The following SGCE variants were observed in gnomAD, a reference collection of about 807,000 sequenced individuals.
SGCE encodes sarcoglycan epsilon.
A neutral mutation model predicts 57.8 loss-of-function variants in SGCE; 26 were observed. The observed-to-expected ratio is 0.45, with a 90% confidence interval of 0.33 to 0.62. The LOEUF (loss-of-function observed/expected upper bound fraction) is 0.62. Among genes scored for constraint, SGCE ranks in the 20% least tolerant of loss-of-function variants. SGCE has a pLI of 0.02. For missense variants in SGCE, 468 were observed against 548.6 expected, an observed-to-expected ratio of 0.85 and a Z score of 1.47; for synonymous variants, 183 against 189.5, an observed-to-expected ratio of 0.97 and a Z score of 0.28.
Position 94,628,104 on chromosome 7 carries a change from C to A in SGCE, c.390+98G>T. Reference sequence around the variant, plus strand: ...AATATTAAAAACCACCATCAGGTAACTTTAGTTTCAACACTTAAAACTCAA... The same window carrying A: ...AATATTAAAAACCACCATCAGGTAAATTTAGTTTCAACACTTAAAACTCAA... On this transcript the variant is annotated intron_variant, in intron 3 of 10. Transcript: ENST00000648936. 3 of 901,442 alleles carry A rather than the reference C, an allele frequency of 3.3e-6. No individual in the cohort carries two copies. In the South Asian group the frequency reaches 4.3e-5, roughly 13 times the overall value. The allele number at this position is 901,442 out of a possible 1,614,324, so 55.8% of individuals were successfully genotyped here.
At chr7:94,604,022 T>C (rs1261002055) in intron 5 of SGCE, among the ~76,000 whole-genome samples, 1 of 152,148 alleles carries the variant, frequency 6.6e-6, no homozygotes. Context: ...GGCCTTGCAA[T>C]CTTTTATCTA....
At chr7:94,628,414 T>C (rs1804112391) in intron 2 of SGCE, 55 bp from the exon 3 acceptor site, 1 of 1,443,852 alleles carries the variant, frequency 6.9e-7, no homozygotes, top group Non-Finnish European at 9.7e-7. Context: ...CACATGTTGC[T>C]TTGGTAGTTT....
intron 1 of SGCE, among the ~76,000 whole-genome samples, chr7:94,632,921 C>CG (rs1198176229): frequency 1.3e-5 from 2 of 152,080 alleles, no homozygotes; most frequent in Non-Finnish European, 2.9e-5. Context: ...ACAGTTAACA[C>CG]ATGTTGCAGT....
At chr7:94,608,714 A>T (rs191666620) in intron 5 of SGCE, among the ~76,000 whole-genome samples, 1 of 152,346 alleles carries the variant, frequency 6.6e-6, no homozygotes, top group East Asian at 1.9e-4. Context: ...AGTATTGGGA[A>T]ATAATTGACA....
intron 5 of SGCE, 111 bp downstream of exon 5, chr7:94,618,645 ATT>A: frequency 1.2e-6 from 1 of 834,458 alleles, no homozygotes; most frequent in South Asian, 1.6e-5. Flanking sequence ...TACAATATCT[ATT>A]TCTTATTAAA....
intron 5 of SGCE, among the ~76,000 whole-genome samples, chr7:94,614,934 G>GT (rs891954258): frequency 6.6e-6 from 1 of 152,004 alleles, no homozygotes; most frequent in Non-Finnish European, 1.5e-5. Context: ...GACTTCATTT[G>GT]TTTTTTTGTT....
intron 1 of SGCE, chr7:94,644,466 C>G (rs1196552551): frequency 3.0e-6 from 1 of 328,278 alleles, no homozygotes; most frequent in Non-Finnish European, 5.9e-6. Context: ...AATTGAAGAG[C>G]TGTGAATAGT....
intron 9 of SGCE, among the ~76,000 whole-genome samples, chr7:94,593,193 T>C (rs1797934895): frequency 1.3e-5 from 2 of 152,100 alleles, no homozygotes; most frequent in Non-Finnish European, 2.9e-5. Flanking sequence ...TTAATTCTAC[T>C]TTTATACTTG....
Position 94,620,404 on chromosome 7 carries a change from C to A in SGCE, c.464-1448G>T, listed in dbSNP as rs540445308. On this transcript the variant is annotated intron_variant, in intron 4 of 10. Coordinates refer to ENST00000648936, the MANE Select transcript of SGCE (RefSeq NM_003919.3). ...TTGTTAGATTTCCTTAATGTATAGC[C>A]CATCTGCAATTTAAAATATATTTAT... 7.2e-5 allele frequency: 11 copies of A among 151,946 alleles called. 1 individual carries two copies. Among genetic ancestry groups the A allele is most frequent in the Admixed American group, 3.3e-4 (5 of 15,258 alleles). The allele number at this position is 151,946 out of a possible 1,614,324, so 9.4% of individuals were successfully genotyped here. A position where few individuals can be genotyped will look rare whatever the true frequency, so the allele number is the denominator to read the frequency against.
At chr7:94,652,251 A>C (rs780216951) in intron 1 of SGCE, among the ~76,000 whole-genome samples, 1 of 152,120 alleles carries the variant, frequency 6.6e-6, no homozygotes, top group South Asian at 2.1e-4. Context: ...TTTACACTGG[A>C]GGTAGGAAAT....
intron 1 of SGCE, among the ~76,000 whole-genome samples, chr7:94,634,571 CA>C (rs1805283426): frequency 6.6e-6 from 1 of 152,130 alleles, no homozygotes; most frequent in African/African-American, 2.4e-5. Context: ...TAATCGGCTG[CA>C]GGTTTAGAAA....
At chr7:94,590,870 C>T (rs1035760807) in intron 9 of SGCE, 10 of 152,154 alleles carry the variant, frequency 6.6e-5, no homozygotes, top group Middle Eastern at 3.4e-3. Context: ...CCAAATACAA[C>T]AATCTAAAGT....
At chr7:94,592,673 G>A (rs1165041099) in intron 9 of SGCE, among the ~76,000 whole-genome samples, 4 of 151,980 alleles carry the variant, frequency 2.6e-5, no homozygotes, top group Admixed American at 6.6e-5. Context: ...GTGAGTTGGG[G>A]GGAGTACACA....
intron 10 of SGCE, among the ~76,000 whole-genome samples, chr7:94,586,085 A>AAAC: frequency 6.6e-6 from 1 of 150,680 alleles, no homozygotes; most frequent in Non-Finnish European, 1.5e-5. Flanking sequence ...AAAAAAAAAA[A>AAAC]AACAACAACT....
At chr7:94,642,627 A>C (rs1430928421) in intron 1 of SGCE, among the ~76,000 whole-genome samples, 1 of 152,192 alleles carries the variant, frequency 6.6e-6, no homozygotes, top group African/African-American at 2.4e-5. Context: ...ACAGAACCCA[A>C]AGAAATATAA....
At chr7:94,615,368 AG>A (rs1801739485) in intron 5 of SGCE, among the ~76,000 whole-genome samples, 3 of 1,664 alleles carry the variant, frequency 1.8e-3, no homozygotes, top group East Asian at 0.031. Context: ...CAAAATAAAT[AG>A]ATAGATAGAT....
At chr7:94,635,186 G>A (rs901022801) in intron 1 of SGCE, among the ~76,000 whole-genome samples, 1 of 152,142 alleles carries the variant, frequency 6.6e-6, no homozygotes, top group Non-Finnish European at 1.5e-5. Flanking sequence ...CATCGCAAAG[G>A]TGTTTTAACT....
intron 3 of SGCE, chr7:94,627,658 C>T (rs2116953446): frequency 6.5e-6 from 1 of 152,788 alleles, no homozygotes; most frequent in East Asian, 1.9e-4. Context: ...TACCTTCTTA[C>T]AACTCTGCAT....
intron 1 of SGCE, among the ~76,000 whole-genome samples, chr7:94,637,675 G>A (rs564245071): frequency 6.6e-6 from 1 of 152,234 alleles, no homozygotes; most frequent in East Asian, 1.9e-4. Context: ...TGCAGCAGCT[G>A]TTGAGAGAGT....
Sources: allele counts gnomAD v4.1 joint callset (sites outside exome capture counted in the v4.1 genomes callset), GRCh38; gene constraint gnomAD v4.1.1; transcripts MANE v1.5; gene names NCBI Gene and HGNC (gene_info 2026-07-23, HGNC 2026-07-21).